Variants in ADAMTSL1 observed in about 807,000 individuals in gnomAD.
ADAMTSL1 encodes ADAMTS-like protein 1.
ADAMTSL1 carries 126 observed loss-of-function variants against 201.8 expected under a neutral mutation model. That is an observed-to-expected ratio of 0.62 (90% confidence interval 0.54 to 0.72). The LOEUF (loss-of-function observed/expected upper bound fraction) is 0.72. ADAMTSL1 is among the 30% of genes least tolerant of loss of function. The pLI is 0.00. For synonymous variants in ADAMTSL1, 1,121 were observed against 903.4 expected (o/e 1.24, Z -4.32); for missense variants, 2,679 against 2,277.8 (o/e 1.18, Z -3.59).
Position 18,381,213 on chromosome 9 carries a change from G to A in ADAMTSL1, c.208-123616G>A, listed in dbSNP as rs189015285. The stretch of plus-strand genomic sequence containing the variant: ...GCTAATCACTACATTAATTATCTGG[G>A]TTTTCCATTCATCTTTTCCCTCATG... On this transcript the variant is annotated intron_variant, in intron 2 of 29. Coordinates refer to the ADAMTSL1 transcript ENST00000680146. 1.7e-3 allele frequency among the ~76,000 whole-genome samples: 256 copies of A among 152,160 alleles called. 1 individual carries two copies. Among genetic ancestry groups the A allele is most frequent in the African/African-American group, 6.0e-3 (250 of 41,532 alleles).
intron 2 of ADAMTSL1, among the ~76,000 whole-genome samples, chr9:18,315,632 C>G (rs1039193393): frequency 6.6e-6 from 1 of 152,092 alleles, no homozygotes; most frequent in East Asian, 1.9e-4. Flanking sequence ...AGTGCGGGGC[C>G]CACCGATCCC....
At chr9:18,863,616 G>A (rs913757221) in intron 23 of ADAMTSL1, among the ~76,000 whole-genome samples, 2 of 152,160 alleles carry the variant, frequency 1.3e-5, no homozygotes, top group Non-Finnish European at 2.9e-5. Flanking sequence ...GGGAGTAACT[G>A]AGTTTTTCCA....
intron 7 of ADAMTSL1, among the ~76,000 whole-genome samples, chr9:18,653,339 C>T (rs919465106): frequency 2.6e-5 from 4 of 152,218 alleles, no homozygotes; most frequent in African/African-American, 9.6e-5. Flanking sequence ...AGGCTACAGT[C>T]TGCTTTGCCA....
intron 2 of ADAMTSL1, among the ~76,000 whole-genome samples, chr9:18,319,267 T>C (rs900899394): frequency 6.6e-5 from 10 of 152,178 alleles, no homozygotes. Flanking sequence ...TAATAACACA[T>C]AATGACAGAG....
intron 2 of ADAMTSL1, among the ~76,000 whole-genome samples, chr9:18,514,083 A>G (rs1340691236): frequency 6.6e-6 from 1 of 152,174 alleles, no homozygotes; most frequent in African/African-American, 2.4e-5. Flanking sequence ...ACATTGGGTA[A>G]CATGGACATT....
At chr9:18,376,836 CA>C in intron 2 of ADAMTSL1, among the ~76,000 whole-genome samples, 1 of 152,216 alleles carries the variant, frequency 6.6e-6, no homozygotes, top group Middle Eastern at 3.4e-3. Context: ...GATGTTTGTT[CA>C]GATAGTCAAG....
At chr9:18,887,433 T>C (rs1216977901) in intron 23 of ADAMTSL1, among the ~76,000 whole-genome samples, 1 of 152,236 alleles carries the variant, frequency 6.6e-6, no homozygotes, top group Non-Finnish European at 1.5e-5. Flanking sequence ...ACTATTACTA[T>C]ATAGTATGGT....
chr9:18,136,760 GT>G (rs1826174883), intron 1 of ADAMTSL1, among the ~76,000 whole-genome samples: 1 of 152,096 alleles, frequency 6.6e-6, no homozygotes, highest in Admixed American at 6.6e-5. Flanking sequence ...TTGCAGTGTG[GT>G]TAGCCTTGTG....
At chr9:18,516,467 T>C (rs1818373126) in intron 2 of ADAMTSL1, among the ~76,000 whole-genome samples, 1 of 152,228 alleles carries the variant, frequency 6.6e-6, no homozygotes, top group Non-Finnish European at 1.5e-5. Flanking sequence ...CTTTGGGCTT[T>C]GGAGTAGGAA....
intron 20 of ADAMTSL1, among the ~76,000 whole-genome samples, chr9:18,807,681 T>G (rs1823250090): frequency 1.3e-5 from 2 of 150,108 alleles, no homozygotes; most frequent in African/African-American, 2.4e-5. Context: ...AAAGCATACA[T>G]AGTACTGACT....
At chr9:18,588,886 T>TATATATATATATATAC (rs1564072132) in intron 4 of ADAMTSL1, among the ~76,000 whole-genome samples, 10 of 125,938 alleles carry the variant, frequency 7.9e-5, no homozygotes, top group East Asian at 2.2e-4. Context: ...TACATATACA[T>TATATATATATATATAC]ATATATATAT....
intron 2 of ADAMTSL1, among the ~76,000 whole-genome samples, chr9:18,384,970 T>A (rs1454092157): frequency 2.6e-5 from 4 of 152,188 alleles, no homozygotes; most frequent in Non-Finnish European, 5.9e-5. Flanking sequence ...TGGGACTTTA[T>A]CTTCCAATAT....
intron 3 of ADAMTSL1, 133 bp downstream of exon 3, chr9:18,533,425 T>A (rs1455720222): frequency 5.5e-6 from 3 of 544,852 alleles, no homozygotes; most frequent in Non-Finnish European, 9.1e-6. Flanking sequence ...ACTGTACTGA[T>A]TATATGCAGG....
At chr9:18,463,743 C>A (rs1411398900) in intron 2 of ADAMTSL1, among the ~76,000 whole-genome samples, 1 of 152,118 alleles carries the variant, frequency 6.6e-6, no homozygotes, top group African/African-American at 2.4e-5. Context: ...TTTTGTTGAT[C>A]TGTTCATTTG....
At chr9:18,306,136 A>T (rs1360370089) in intron 2 of ADAMTSL1, among the ~76,000 whole-genome samples, 1 of 152,206 alleles carries the variant, frequency 6.6e-6, no homozygotes, top group Non-Finnish European at 1.5e-5. Context: ...AACAGAAAGG[A>T]ATAGCGTCAA....
chr9:18,164,634 A>G (rs1404377064), intron 2 of ADAMTSL1, among the ~76,000 whole-genome samples: 2 of 151,820 alleles, frequency 1.3e-5, no homozygotes, highest in East Asian at 1.9e-4. Flanking sequence ...CTGTATAGTG[A>G]TGACCTTAGG....
chr9:18,447,240 G>A lies in ADAMTSL1; in HGVS notation c.208-57589G>A, dbSNP rs115690714. Among the ~76,000 whole-genome samples the A allele has an allele frequency of 9.7e-3, 1,484 of 152,260 alleles. 25 individuals are homozygous for A. The highest frequency in any genetic ancestry group is 0.034 in the African/African-American group (1,401 of 41,522). On this transcript the variant is annotated intron_variant, in intron 2 of 29. Coordinates refer to the ADAMTSL1 transcript ENST00000680146. ...TAAATAAAGGTTGCTCAAGGGCTCC[G>A]TGAGAAAAAGCCAAATGCCGAATGA...
intron 2 of ADAMTSL1, among the ~76,000 whole-genome samples, chr9:18,523,659 T>C (rs1039838389): frequency 6.7e-6 from 1 of 149,134 alleles, no homozygotes; most frequent in Non-Finnish European, 1.5e-5. Context: ...TTTCTACATA[T>C]GGCTAGCCAG....
intron 2 of ADAMTSL1, among the ~76,000 whole-genome samples, chr9:18,347,001 G>C (rs1324014195): frequency 6.6e-6 from 1 of 152,126 alleles, no homozygotes; most frequent in Non-Finnish European, 1.5e-5. Context: ...ATTGTTAAGA[G>C]ACAAATACAC....
Sources: gnomAD v4.1 joint callset for allele counts (sites outside exome capture counted in the v4.1 genomes callset) on GRCh38, gnomAD v4.1.1 for gene constraint, MANE v1.5 for transcripts, NCBI Gene and HGNC (gene_info 2026-07-23, HGNC 2026-07-21) for gene names.